Variants in IL23R observed in about 807,000 individuals in gnomAD.
IL23R encodes interleukin-23 receptor.
Under a neutral mutation model 56.9 loss-of-function variants are expected in IL23R, and 34 were observed. That is an observed-to-expected ratio of 0.60 (90% confidence interval 0.45 to 0.80). The LOEUF (loss-of-function observed/expected upper bound fraction) is 0.80, where lower values mean the gene tolerates loss of function less well. Among genes scored for constraint, IL23R ranks in the 30% least tolerant of loss-of-function variants. The pLI is 0.00. For synonymous variants in IL23R, 230 were observed against 249.2 expected, an observed-to-expected ratio of 0.92 and a Z score of 0.73; for missense variants, 635 against 730.0, an observed-to-expected ratio of 0.87 and a Z score of 1.50.
chr1:67,234,476 G>A (rs1378405043), intron 7 of IL23R, among the ~76,000 whole-genome samples: 1 of 152,122 alleles, frequency 6.6e-6, no homozygotes, highest in African/African-American at 2.4e-5. Flanking sequence ...TTTATATGAT[G>A]CAAATTAATA....
At chr1:67,208,697 A>G (rs1183665423) in intron 6 of IL23R, among the ~76,000 whole-genome samples, 1 of 152,224 alleles carries the variant, frequency 6.6e-6, no homozygotes, top group East Asian at 1.9e-4. Context: ...AGTTTGCTGC[A>G]GGGACGGGGC....
At chr1:67,264,758 C>T (rs1230619662), downstream of IL23R, among the ~76,000 whole-genome samples, 1 of 152,154 alleles carries the variant, frequency 6.6e-6, no homozygotes, top group Non-Finnish European at 1.5e-5. Flanking sequence ...CACACTGCAC[C>T]TTTTAGATCC....
chr1:67,246,592 A>T (rs55922408), intron 9 of IL23R, among the ~76,000 whole-genome samples: 43,566 of 152,018 alleles, frequency 0.29, 7,134 homozygotes, highest in African/African-American at 0.43. Context: ...TCAGGAGCAG[A>T]TTGTTCAGTT....
intron 1 of IL23R, among the ~76,000 whole-genome samples, chr1:67,141,919 A>G (rs1646641905): frequency 6.6e-6 from 1 of 152,232 alleles, no homozygotes; most frequent in Non-Finnish European, 1.5e-5. Context: ...GGGGAAGCGT[A>G]TTACAGAAGG....
intron 6 of IL23R, among the ~76,000 whole-genome samples, chr1:67,218,348 GTGTGTGTGTGTATA>G (rs1650002697): frequency 7.0e-6 from 1 of 142,320 alleles, no homozygotes; most frequent in African/African-American, 2.7e-5. Context: ...GTGTGTGTGT[GTGTGTGTGTGTATA>G]TATATATATA....
chr1:67,233,743 G>A (rs1243335457), intron 7 of IL23R, among the ~76,000 whole-genome samples: 1 of 151,886 alleles, frequency 6.6e-6, no homozygotes, highest in Non-Finnish European at 1.5e-5. Context: ...GTATATTCAA[G>A]TATGTCCTGT....
chr1:67,167,763 C>T (rs899977658), intron 1 of IL23R, among the ~76,000 whole-genome samples: 1 of 152,098 alleles, frequency 6.6e-6, no homozygotes, highest in Non-Finnish European at 1.5e-5. Context: ...AAGAAGTTAA[C>T]TCAGAGGAGG....
chr1:67,151,461 C>T (rs1269455763), intron 1 of IL23R, among the ~76,000 whole-genome samples: 2 of 152,108 alleles, frequency 1.3e-5, no homozygotes, highest in Non-Finnish European at 2.9e-5. Flanking sequence ...TAATTAGATC[C>T]CATTTGTCAA....
chr1:67,180,831 T>G (rs373776604), intron 3 of IL23R, among the ~76,000 whole-genome samples: 2 of 152,202 alleles, frequency 1.3e-5, no homozygotes, highest in East Asian at 3.8e-4. Context: ...ACAAAATCTC[T>G]CAGCATTTGC....
chr1:67,150,652 TA>T (rs3052338), intron 1 of IL23R, among the ~76,000 whole-genome samples: 1,629 of 95,864 alleles, frequency 0.017, 24 homozygotes, highest in African/African-American at 0.047. Flanking sequence ...GAACTTAAAG[TA>T]AAAAAAAAAA....
chr1:67,216,866 T>C (rs1649876850), intron 6 of IL23R, among the ~76,000 whole-genome samples: 1 of 151,950 alleles, frequency 6.6e-6, no homozygotes, highest in African/African-American at 2.4e-5. Context: ...TGTGGAAAAA[T>C]GTATGATTAG....
At chr1:67,141,821 C>G (rs906535022) in intron 1 of IL23R, among the ~76,000 whole-genome samples, 2 of 151,934 alleles carry the variant, frequency 1.3e-5, no homozygotes, top group African/African-American at 4.8e-5. Flanking sequence ...GTGCACGGAC[C>G]CAGTCGATTA....
Position 67,154,472 on chromosome 1 carries a change from T to C in IL23R, c.-633-13620T>C, listed in dbSNP as rs537096104. Among the ~76,000 whole-genome samples, 3 of 152,328 alleles carry C rather than the reference T, an allele frequency of 2.0e-5. No homozygotes were observed. In the South Asian group the frequency reaches 6.2e-4, roughly 32 times the overall value. On this transcript the variant is annotated intron_variant, in intron 1 of 10. Coordinates refer to the IL23R transcript ENST00000637002. Reference sequence around the variant, plus strand: ...TGGGTGCATATATATTTAGGATAGTTAGCTCTTCTTGTTGTATTGATCCCT... The same window carrying C: ...TGGGTGCATATATATTTAGGATAGTCAGCTCTTCTTGTTGTATTGATCCCT...
Position 67,220,934 on chromosome 1 carries a change from C to T in IL23R, c.955+1204C>T, listed in dbSNP as rs111676988. Among the ~76,000 whole-genome samples, 4 of 152,162 alleles carry T rather than the reference C, an allele frequency of 2.6e-5. No homozygotes were observed. The East Asian group carries it at 5.8e-4, about 22-fold the overall frequency. ...GGAGGATCACTTGAACCTGGGAGGT[C>T]GAGAATGCAGTGAGCCACGTTCATG... On this transcript the variant is annotated intron_variant, in intron 7 of 10. Transcript: ENST00000347310.
chr1:67,214,517 G>A (rs1302030797), intron 6 of IL23R, among the ~76,000 whole-genome samples: 2 of 152,192 alleles, frequency 1.3e-5, no homozygotes, highest in South Asian at 2.1e-4. Context: ...AGAAGGTTTT[G>A]AAAAGTGAGC....
chr1:67,142,417 C>T (rs11582178), intron 1 of IL23R, among the ~76,000 whole-genome samples: 8,141 of 152,154 alleles, frequency 0.054, 313 homozygotes, highest in African/African-American at 0.097. Flanking sequence ...TTAAATGCTT[C>T]TCTACTCTTT....
At chr1:67,201,896 A>G (rs1255732719) in intron 5 of IL23R, among the ~76,000 whole-genome samples, 2 of 152,218 alleles carry the variant, frequency 1.3e-5, no homozygotes, top group East Asian at 3.8e-4. Flanking sequence ...AATATATAGC[A>G]GTTTAATCCC....
At position 67,155,840 on chromosome 1, in the gene IL23R, G is replaced by A. The variant is rs896723408; in HGVS notation, c.-633-12252G>A. ...TTCAGTTCTGCGCCCTTACTGAAAA[G>A]GCGTTGTGATCATTTGGAAGATAAG... is the stretch of plus-strand genomic sequence containing the variant. On this transcript the variant is annotated intron_variant, in intron 1 of 10. Coordinates refer to the IL23R transcript ENST00000637002. 2.6e-5 allele frequency among the ~76,000 whole-genome samples: 4 copies of A among 152,192 alleles called. No homozygotes were observed. The East Asian group carries it at 5.8e-4, about 22-fold the overall frequency.
chr1:67,255,909 T>A lies in IL23R; in HGVS notation c.1221T>A (p.Asn407Lys), dbSNP rs1208319440. 1.3e-6 allele frequency: 2 copies of A among 1,599,014 alleles called. No homozygotes were observed. Among genetic ancestry groups the A allele is most frequent in the Admixed American group, 3.3e-5 (2 of 59,940 alleles). The change falls in exon 10 of 11, where the codon AAT (asparagine) becomes AAA (lysine). Residue 407 changes from asparagine to lysine, a missense_variant. Physicochemically the swap from Asn to Lys is moderately conservative, Grantham distance 94 (BLOSUM62 0). Coordinates refer to ENST00000347310, the MANE Select transcript of IL23R (RefSeq NM_144701.3). The stretch of plus-strand genomic sequence containing the variant: ...ATATTCCTAATATGAAAAACAGCAA[T>A]GTTGTGAAAATGCTACAGGTAACCT... ...YEDIPNMKNS[N>K]VVKMLQENSE...
Sources: gnomAD v4.1 joint callset for allele counts (sites outside exome capture counted in the v4.1 genomes callset) on GRCh38, gnomAD v4.1.1 for gene constraint, MANE v1.5 for transcripts, NCBI Gene and HGNC (gene_info 2026-07-23, HGNC 2026-07-21) for gene names.